The following ALG8 variants were observed in gnomAD, a reference collection of about 807,000 sequenced individuals.
ALG8 encodes ALG8 alpha-1,3-glucosyltransferase.
Under a neutral mutation model 70.2 loss-of-function variants are expected in ALG8, and 48 were observed. The observed-to-expected ratio is 0.68, with a 90% CI of 0.54 to 0.87. The LOEUF (loss-of-function observed/expected upper bound fraction) is 0.87, where lower values mean the gene tolerates loss of function less well. ALG8 is among the 40% of genes least tolerant of loss of function. The pLI is 0.00. For synonymous variants in ALG8, 234 were observed against 229.0 expected (o/e 1.02, Z -0.20); for missense variants, 572 against 608.7 (o/e 0.94, Z 0.64).
intron 1 of ALG8, chr11:78,137,338 A>G (rs540844053): frequency 6.6e-6 from 1 of 152,358 alleles, no homozygotes; most frequent in South Asian, 2.1e-4. Flanking sequence ...TATCCAGACC[A>G]CTAAAACATT....
chr11:78,104,424 G>A lies in ALG8; in HGVS notation c.1208C>T (p.Ala403Val). ...SLLSVGKAGD[A>V]SIFLILTTTG... ...TGTGGTCAGAATCAGAAAAATCGAA[G>A]CGTCTCCTGCTTTTCCCACAGACAA... The change falls in exon 11 of 13, where the codon GCT becomes GTT. Residue 403 changes from alanine (A) to valine (V), a missense_variant. Transcript: ENST00000299626. The A allele has an allele frequency of 1.3e-6, 2 of 1,595,048 alleles. No individual in the cohort carries two copies. Among genetic ancestry groups the A allele is most frequent in the Non-Finnish European group, 1.7e-6 (2 of 1,170,424 alleles).
At chr11:78,129,146 C>T (rs898301413) in intron 1 of ALG8, among the ~76,000 whole-genome samples, 19 of 151,950 alleles carry the variant, frequency 1.3e-4, no homozygotes, top group Non-Finnish European at 7.4e-5. Context: ...TGGGGCCGGG[C>T]GCGGTGGCTC....
chr11:78,121,884 T>G (rs996556442), intron 3 of ALG8, among the ~76,000 whole-genome samples: 7 of 152,188 alleles, frequency 4.6e-5, no homozygotes, highest in Non-Finnish European at 1.0e-4. Flanking sequence ...TGTATGTCAT[T>G]TAAATGTTGA....
At chr11:78,138,365 ATAAC>A (rs1861638162) in intron 1 of ALG8, among the ~76,000 whole-genome samples, 3 of 150,930 alleles carry the variant, frequency 2.0e-5, no homozygotes, top group African/African-American at 7.3e-5. Flanking sequence ...AAAAAAAAAA[ATAAC>A]AAACAAAAAA....
At chr11:78,134,918 T>C (rs1361471455) in intron 1 of ALG8, among the ~76,000 whole-genome samples, 3 of 152,264 alleles carry the variant, frequency 2.0e-5, no homozygotes, top group African/African-American at 7.2e-5. Context: ...AATGTTGATA[T>C]CTTGACCTCC....
At position 78,124,190 on chromosome 11, in the gene ALG8, A is replaced by T. The variant is rs1860960487; in HGVS notation, c.199T>A (p.Tyr67Asn). Residue 67 changes from tyrosine to asparagine, a missense_variant, in exon 3 of 13, where the codon TAC (tyrosine) becomes AAC (asparagine). Coordinates refer to ENST00000299626, the MANE Select transcript of ALG8 (RefSeq NM_024079.5). The stretch of plus-strand genomic sequence containing the variant: ...TCAAACCATGCAAAGAAAGGGGGGT[A>T]ATCCAACGTCCACTCTGAAGTTGCC... ...YEATSEWTLD[Y>N]PPFFAWFEYI... 1.9e-6 allele frequency: 3 copies of T among 1,614,074 alleles called. No individual in the cohort carries two copies. The highest frequency in any genetic ancestry group is 1.7e-6 in the Non-Finnish European group (2 of 1,180,022).
chr11:78,103,045 T>C (rs1387474910), intron 12 of ALG8: 1 of 152,726 alleles, frequency 6.5e-6, no homozygotes, highest in Non-Finnish European at 1.5e-5. Context: ...TTGTACATAG[T>C]TGGGTGCGGT....
At chr11:78,126,777 T>C (rs956909250) in intron 2 of ALG8, among the ~76,000 whole-genome samples, 2 of 152,078 alleles carry the variant, frequency 1.3e-5, no homozygotes, top group Admixed American at 6.5e-5. Context: ...TGTAACTAGA[T>C]AGTGGCAGAG....
intron 12 of ALG8, chr11:78,103,343 A>C (rs376731160): frequency 1.3e-5 from 2 of 152,494 alleles, no homozygotes; most frequent in African/African-American, 4.8e-5. Context: ...GCATACCTAT[A>C]ATCTCAGCTA....
At chr11:78,129,065 C>CT (rs937486877) in intron 1 of ALG8, among the ~76,000 whole-genome samples, 10 of 152,106 alleles carry the variant, frequency 6.6e-5, no homozygotes, top group Non-Finnish European at 1.5e-4. Flanking sequence ...CATCCCAAGT[C>CT]TAAGTACGTA....
At position 78,109,552 on chromosome 11, in the gene ALG8, T is replaced by G. The variant is rs768420996; in HGVS notation, c.928A>C (p.Asn310His). The G allele has an allele frequency of 6.2e-7, 1 of 1,614,172 alleles. No homozygotes were observed. The highest frequency in any genetic ancestry group is 1.1e-5 in the South Asian group (1 of 91,082). The change falls in exon 9 of 13, where the codon AAT (asparagine) becomes CAT (histidine). Residue 310 changes from asparagine to histidine, a missense_variant. Asn to His is a moderately conservative substitution (Grantham distance 68). Coordinates refer to ENST00000299626, the MANE Select transcript of ALG8 (RefSeq NM_024079.5). ...CTTGTCATTGAGGCCTTGGGAATAT[T>G]GTTGGGATCAAGAAATTTCAATTTC... is the stretch of plus-strand genomic sequence containing the variant. ...GLKLKFLDPN[N>H]IPKASMTSGL...
intron 12 of ALG8, among the ~76,000 whole-genome samples, chr11:78,101,446 T>C (rs1158359395): frequency 6.6e-6 from 1 of 152,082 alleles, no homozygotes; most frequent in African/African-American, 2.4e-5. Context: ...CTGGCCAACA[T>C]GGAGAAACCC....
intron 10 of ALG8, chr11:78,104,671 A>G (rs918979069): frequency 4.2e-6 from 2 of 479,022 alleles, no homozygotes; most frequent in Non-Finnish European, 3.8e-6. Flanking sequence ...TCGTAAAAGA[A>G]TCTTGCTTCT....
In ALG8 at chr11:78,113,861, G is replaced by GAAAA. The variant is rs111652232; in HGVS notation, c.777+21_777+24dup. Reference sequence around the variant, plus strand: ...CACCAACAAAGAACATGTATTAATTGAAAAAAAAAAAAAAAAAGGCTTACC... The same window carrying GAAAA: ...CACCAACAAAGAACATGTATTAATTGAAAAAAAAAAAAAAAAAAAAAGGCTTACC... On this transcript the variant is annotated intron_variant, in intron 7 of 12. Transcript: ENST00000299626. 0.083 allele frequency: 99,913 copies of GAAAA among 1,203,698 alleles called. 1,901 individuals carry two copies. The highest frequency in any genetic ancestry group is 0.2 in the African/African-American group (9,351 of 46,096). The allele number at this position is 1,203,698 out of a possible 1,614,324, so 74.6% of individuals were successfully genotyped here. A position where few individuals can be genotyped will look rare whatever the true frequency, so the allele number is the denominator to read the frequency against.
intron 4 of ALG8, among the ~76,000 whole-genome samples, chr11:78,120,186 TAAA>T (rs1860760320): frequency 6.6e-6 from 1 of 152,106 alleles, no homozygotes; most frequent in Admixed American, 6.6e-5. Context: ...TTTTTTTATT[TAAA>T]AACAAATTTA....
intron 2 of ALG8, among the ~76,000 whole-genome samples, chr11:78,127,145 A>G (rs1025241709): frequency 7.2e-5 from 11 of 151,876 alleles, no homozygotes; most frequent in African/African-American, 2.7e-4. Context: ...CACCCAGCTA[A>G]TTTTTGTATT....
At chr11:78,105,280 A>G (rs1001488490) in intron 10 of ALG8, among the ~76,000 whole-genome samples, 9 of 152,258 alleles carry the variant, frequency 5.9e-5, no homozygotes, top group Non-Finnish European at 1.2e-4. Flanking sequence ...TGATTTCTCA[A>G]GATTCAAGAA....
intron 9 of ALG8, among the ~76,000 whole-genome samples, chr11:78,107,968 A>C (rs1860120688): frequency 6.6e-6 from 1 of 151,392 alleles, no homozygotes; most frequent in African/African-American, 2.4e-5. Flanking sequence ...AAGATGGTGA[A>C]ACCCTGTCTC....
chr11:78,117,410 A>G (rs538217362), intron 5 of ALG8, among the ~76,000 whole-genome samples: 1 of 152,266 alleles, frequency 6.6e-6, no homozygotes, highest in East Asian at 1.9e-4. Flanking sequence ...AAGTTTACTC[A>G]ATAAGATATA....
Sources: allele counts gnomAD v4.1 joint callset (sites outside exome capture counted in the v4.1 genomes callset), GRCh38; gene constraint gnomAD v4.1.1; transcripts MANE v1.5; gene names NCBI Gene and HGNC (gene_info 2026-07-23, HGNC 2026-07-21).